DLC1: variants seen among roughly 807,000 people sequenced by gnomAD.
The protein encoded by DLC1 is DLC1 Rho GTPase activating protein.
A neutral mutation model predicts 140.3 loss-of-function variants in DLC1; 54 were observed. The observed-to-expected ratio is 0.38, with a 90% CI of 0.31 to 0.48. The LOEUF (loss-of-function observed/expected upper bound fraction) is 0.48, where lower values mean the gene tolerates loss of function less well. Ranked by LOEUF, DLC1 falls within the 20% of genes least tolerant of loss-of-function variation. The pLI is 0.96. For synonymous variants in DLC1, 986 were observed against 728.1 expected, an observed-to-expected ratio of 1.35 and a Z score of -5.70; for missense variants, 2,536 against 1,907.0, an observed-to-expected ratio of 1.33 and a Z score of -6.14.
intron 1 of DLC1, among the ~76,000 whole-genome samples, chr8:13,586,452 A>T (rs866924325): frequency 2.6e-5 from 4 of 152,176 alleles, no homozygotes; most frequent in Non-Finnish European, 5.9e-5. Context: ...TCATCAGCAG[A>T]TGTTAAAGAT....
intron 16 of DLC1, among the ~76,000 whole-genome samples, chr8:13,087,567 C>T (rs1326041524): frequency 1.3e-5 from 2 of 152,202 alleles, no homozygotes; most frequent in Admixed American, 6.5e-5. Flanking sequence ...ACAAGGACTG[C>T]TGAATGAGGA....
intron 5 of DLC1, among the ~76,000 whole-genome samples, chr8:13,125,347 A>G (rs1821461896): frequency 6.6e-6 from 1 of 152,240 alleles, no homozygotes; most frequent in African/African-American, 2.4e-5. Context: ...TAGACAACAC[A>G]AAACCAATGA....
At chr8:13,270,262 A>G (rs1245566472) in intron 5 of DLC1, among the ~76,000 whole-genome samples, 1 of 152,172 alleles carries the variant, frequency 6.6e-6, no homozygotes, top group Admixed American at 6.5e-5. Context: ...ATATCTAGGT[A>G]TTGTAATTAC....
intron 5 of DLC1, among the ~76,000 whole-genome samples, chr8:13,140,523 T>G (rs939967481): frequency 6.6e-6 from 1 of 151,762 alleles, no homozygotes; most frequent in Non-Finnish European, 1.5e-5. Context: ...TGAGCCACAG[T>G]GCCTGGCCAA....
At chr8:13,507,771 G>C (rs1802165258) in intron 1 of DLC1, among the ~76,000 whole-genome samples, 1 of 152,120 alleles carries the variant, frequency 6.6e-6, no homozygotes, top group African/African-American at 2.4e-5. Flanking sequence ...TGTCTGGAAA[G>C]CATCAAAAAC....
intron 5 of DLC1, chr8:13,116,366 A>C: frequency 2.8e-6 from 1 of 354,052 alleles, no homozygotes; most frequent in Non-Finnish European, 4.0e-6. Flanking sequence ...CTGTGTTAAA[A>C]CTCACTGGAG....
At chr8:13,407,407 C>T (rs1837616597) in intron 2 of DLC1, among the ~76,000 whole-genome samples, 1 of 152,130 alleles carries the variant, frequency 6.6e-6, no homozygotes, top group Non-Finnish European at 1.5e-5. Flanking sequence ...AACTGAACAG[C>T]ACAAACACAG....
chr8:13,330,426 A>G (rs542632368), intron 4 of DLC1, among the ~76,000 whole-genome samples: 1 of 152,178 alleles, frequency 6.6e-6, no homozygotes, highest in Non-Finnish European at 1.5e-5. Context: ...ACTGAACACA[A>G]AGGTCTACCT....
intron 4 of DLC1, among the ~76,000 whole-genome samples, chr8:13,369,025 T>C (rs1333353761): frequency 1.3e-5 from 2 of 152,178 alleles, no homozygotes; most frequent in African/African-American, 4.8e-5. Context: ...TTTCACCATG[T>C]TGGTCAGGCT....
At chr8:13,406,500 G>A (rs192930224) in intron 2 of DLC1, among the ~76,000 whole-genome samples, 1 of 152,252 alleles carries the variant, frequency 6.6e-6, no homozygotes, top group Admixed American at 6.5e-5. Context: ...ACAAGAAACA[G>A]ACAGAAATAG....
intron 5 of DLC1, among the ~76,000 whole-genome samples, chr8:13,170,885 C>T (rs1825430024): frequency 6.6e-6 from 1 of 152,080 alleles, no homozygotes; most frequent in African/African-American, 2.4e-5. Flanking sequence ...GGCTTTTAAC[C>T]TGGGTAGTTA....
intron 1 of DLC1, among the ~76,000 whole-genome samples, chr8:13,505,834 G>A (rs1802032923): frequency 6.6e-6 from 1 of 152,146 alleles, no homozygotes; most frequent in Non-Finnish European, 1.5e-5. Context: ...CTAAGCCATA[G>A]TTTTCCTAAA....
At position 13,098,379 on chromosome 8, in the gene DLC1, C is replaced by A. The variant is rs895330867; in HGVS notation, c.3167+20G>T. ...AAATATCATTTTCAACGACAGTTGA[C>A]TGATCATTTAAACTCTTACCAGCTA... On this transcript the variant is annotated intron_variant, in intron 10 of 17. Coordinates refer to ENST00000276297, the MANE Select transcript of DLC1 (RefSeq NM_182643.3). 6.8e-6 allele frequency: 11 copies of A among 1,612,816 alleles called. No homozygotes were observed. Among genetic ancestry groups the A allele is most frequent in the Non-Finnish European group, 9.3e-6 (11 of 1,179,162 alleles).
chr8:13,237,298 A>C (rs112961432), intron 5 of DLC1, among the ~76,000 whole-genome samples: 7,911 of 147,458 alleles, frequency 0.054, 488 homozygotes, highest in African/African-American at 0.15. Context: ...TAAATATATA[A>C]ATCATATATA....
chr8:13,091,500 A>C lies in DLC1; in HGVS notation c.3741-68T>G, dbSNP rs73552372. On this transcript the variant is annotated intron_variant, in intron 13 of 17. Transcript: ENST00000276297. ...TATATTTTTCTTCAAGGTATTATTCAAGGAAACCCAAAGAAGAGAGAAAAA... is the reference window on the plus strand; with the variant it reads ...TATATTTTTCTTCAAGGTATTATTCCAGGAAACCCAAAGAAGAGAGAAAAA... 9,745 of 1,427,604 alleles carry C rather than the reference A, an allele frequency of 6.8e-3. 594 individuals are homozygous for C. In the African/African-American group the frequency reaches 0.12, roughly 18 times the overall value. The allele number at this position is 1,427,604 out of a possible 1,614,324, so 88.4% of individuals were successfully genotyped here.
At chr8:13,557,268 T>A (rs139181714) in intron 1 of DLC1, among the ~76,000 whole-genome samples, 1 of 152,308 alleles carries the variant, frequency 6.6e-6, no homozygotes, top group East Asian at 1.9e-4. Context: ...TAATTGTTTC[T>A]AACAAGACCA....
At chr8:13,204,672 G>C (rs947818307) in intron 5 of DLC1, among the ~76,000 whole-genome samples, 2 of 151,986 alleles carry the variant, frequency 1.3e-5, no homozygotes, top group African/African-American at 2.4e-5. Flanking sequence ...TAAATCATTG[G>C]CAAATAAAAT....
In DLC1 at chr8:13,443,907, A is replaced by G. The variant is rs770625173; in HGVS notation, c.1024-42288T>C. 4.1e-4 allele frequency among the ~76,000 whole-genome samples: 63 copies of G among 152,288 alleles called. 1 individual carries two copies. In the Middle Eastern group the frequency reaches 0.014, roughly 33 times the overall value. The stretch of plus-strand genomic sequence containing the variant: ...GCGTTTCTCCCTATCCCTATTATCC[A>G]GGATTTACTGACATTATTTAGGTAC... On this transcript the variant is annotated intron_variant, in intron 2 of 17. Transcript: ENST00000276297.
rs114105440 is a variant in DLC1 at position 13,546,001 on chromosome 8, C to T, written c.-125-45805G>A. 4.6e-3 allele frequency among the ~76,000 whole-genome samples: 695 copies of T among 152,060 alleles called. 7 individuals are homozygous for T. The highest frequency in any genetic ancestry group is 0.016 in the African/African-American group (661 of 41,482). On this transcript the variant is annotated intron_variant, in intron 1 of 1. Coordinates refer to the DLC1 transcript ENST00000631382. ...TAATTCACAAGTTATTAGATACGTGCGTTGGCTTCCAGGATATGTTAAAGA... is the reference window on the plus strand; with the variant it reads ...TAATTCACAAGTTATTAGATACGTGTGTTGGCTTCCAGGATATGTTAAAGA...
Sources: allele counts gnomAD v4.1 joint callset (sites outside exome capture counted in the v4.1 genomes callset), GRCh38; gene constraint gnomAD v4.1.1; transcripts MANE v1.5; gene names NCBI Gene and HGNC (gene_info 2026-07-23, HGNC 2026-07-21).